ROBO2: variants seen among roughly 807,000 people sequenced by gnomAD.
ROBO2 encodes the protein roundabout guidance receptor 2.
In ROBO2, 53 loss-of-function variants were observed where a neutral mutation model predicts 160.8. That is an observed-to-expected ratio of 0.33 (90% confidence interval 0.26 to 0.41). The LOEUF is 0.41. ROBO2 is among the 10% of genes least tolerant of loss of function. The pLI is 1.00. For synonymous variants in ROBO2, 664 were observed against 611.7 expected, an observed-to-expected ratio of 1.09 and a Z score of -1.26; for missense variants, 1,577 against 1,722.4, an observed-to-expected ratio of 0.92 and a Z score of 1.49.
chr3:77,468,221 C>T (rs192807182), intron 2 of ROBO2, among the ~76,000 whole-genome samples: 4 of 152,294 alleles, frequency 2.6e-5, no homozygotes, highest in Admixed American at 2.0e-4. Flanking sequence ...TGTCAAATAT[C>T]ACATGCTAGG....
In ROBO2 at chr3:77,192,798, AC is replaced by A. The variant is rs532588157; in HGVS notation, c.388+94460del. ...GTAGCTGGGACTATGGGACTGTGCC[AC>A]CTCACCTGGCTTATTTTTGTATTTT... On this transcript the variant is annotated intron_variant, in intron 2 of 25. Coordinates refer to ENST00000461745, the Ensembl canonical transcript of ROBO2. Among the ~76,000 whole-genome samples, 88 of 151,432 alleles carry A rather than the reference AC, an allele frequency of 5.8e-4. No homozygotes were observed. In the Middle Eastern group the frequency reaches 0.01, roughly 18 times the overall value.
At chr3:77,330,475 A>G (rs938368718) in intron 2 of ROBO2, among the ~76,000 whole-genome samples, 2 of 152,198 alleles carry the variant, frequency 1.3e-5, no homozygotes, top group Admixed American at 6.5e-5. Flanking sequence ...CTAAGATCAC[A>G]CCACTGCACT....
chr3:77,149,091 G>A (rs1024186442), intron 2 of ROBO2, among the ~76,000 whole-genome samples: 21 of 149,110 alleles, frequency 1.4e-4, no homozygotes, highest in African/African-American at 4.7e-4. Context: ...GCTGGAGTGC[G>A]GTGGCATGAT....
At chr3:76,750,686 C>A (rs2108221567) in intron 2 of ROBO2, among the ~76,000 whole-genome samples, 1 of 152,132 alleles carries the variant, frequency 6.6e-6, no homozygotes, top group East Asian at 1.9e-4. Flanking sequence ...GAGTGAACTC[C>A]CATTCACAAT....
intron 2 of ROBO2, among the ~76,000 whole-genome samples, chr3:76,871,552 T>G (rs1229823180): frequency 2.9e-5 from 3 of 104,238 alleles, no homozygotes; most frequent in African/African-American, 7.2e-5. Context: ...AGACTCCGTC[T>G]CAAAAAAAGA....
At chr3:76,988,060 T>C (rs2060480087) in intron 2 of ROBO2, among the ~76,000 whole-genome samples, 1 of 152,174 alleles carries the variant, frequency 6.6e-6, no homozygotes, top group Non-Finnish European at 1.5e-5. Flanking sequence ...TAAAAGGTAA[T>C]TACGAGACAA....
chr3:77,339,167 TA>T (rs890742508), intron 2 of ROBO2, among the ~76,000 whole-genome samples: 1 of 152,050 alleles, frequency 6.6e-6, no homozygotes, highest in Non-Finnish European at 1.5e-5. Context: ...TGCCAAATGA[TA>T]AAAAAATTAA....
chr3:76,522,413 T>C (rs1025494442), intron 2 of ROBO2, among the ~76,000 whole-genome samples: 1 of 152,114 alleles, frequency 6.6e-6, no homozygotes, highest in Non-Finnish European at 1.5e-5. Flanking sequence ...ATCAATCCAA[T>C]AAAATACAGC....
At chr3:77,598,015 G>A (rs1347437636) in intron 19 of ROBO2, among the ~76,000 whole-genome samples, 1 of 152,084 alleles carries the variant, frequency 6.6e-6, no homozygotes, top group Non-Finnish European at 1.5e-5. Flanking sequence ...ATGAAGAATG[G>A]AGTAACGGTA....
At chr3:77,641,660 G>A (rs529167555) in intron 24 of ROBO2, among the ~76,000 whole-genome samples, 54 of 152,072 alleles carry the variant, frequency 3.6e-4, no homozygotes, top group African/African-American at 1.3e-3. Context: ...GATGAACAAA[G>A]AAGTTTACAA....
At chr3:76,432,770 C>A (rs2076493289) in intron 2 of ROBO2, among the ~76,000 whole-genome samples, 1 of 151,958 alleles carries the variant, frequency 6.6e-6, no homozygotes, top group Non-Finnish European at 1.5e-5. Context: ...TTGAGAGAAA[C>A]CTATACAAAC....
chr3:76,635,160 C>T (rs182073463), intron 2 of ROBO2, among the ~76,000 whole-genome samples: 69 of 152,236 alleles, frequency 4.5e-4, no homozygotes, highest in African/African-American at 1.4e-3. Flanking sequence ...GTTTTGCTGC[C>T]GTATGACTTA....
chr3:76,308,403 A>G (rs2071425105), intron 2 of ROBO2, among the ~76,000 whole-genome samples: 1 of 151,200 alleles, frequency 6.6e-6, no homozygotes, highest in South Asian at 2.1e-4. Flanking sequence ...AAAAAGAAAG[A>G]AAGAAAAGCA....
chr3:77,057,868 C>T (rs2065914059), intron 1 of ROBO2, among the ~76,000 whole-genome samples: 1 of 151,894 alleles, frequency 6.6e-6, no homozygotes, highest in Non-Finnish European at 1.5e-5. Flanking sequence ...CGCGTCCTGG[C>T]AATATATTTT....
At chr3:77,503,575 G>T (rs933041258) in intron 5 of ROBO2, among the ~76,000 whole-genome samples, 2 of 150,146 alleles carry the variant, frequency 1.3e-5, no homozygotes, top group Non-Finnish European at 3.0e-5. Flanking sequence ...TAATAATAAG[G>T]CTATTTGGAG....
intron 2 of ROBO2, among the ~76,000 whole-genome samples, chr3:76,393,460 A>G (rs560118187): frequency 1.3e-5 from 2 of 152,316 alleles, no homozygotes; most frequent in East Asian, 1.9e-4. Context: ...GTGGGGAATT[A>G]AATAGCATTG....
chr3:75,925,209 AT>A (rs1215744228), intron 1 of ROBO2, among the ~76,000 whole-genome samples: 1 of 151,936 alleles, frequency 6.6e-6, no homozygotes, highest in Non-Finnish European at 1.5e-5. Context: ...CCCGGGCAAC[AT>A]GGTGAAACCC....
At chr3:76,823,831 A>C (rs772567710) in intron 2 of ROBO2, among the ~76,000 whole-genome samples, 2 of 152,192 alleles carry the variant, frequency 1.3e-5, no homozygotes, top group Non-Finnish European at 1.5e-5. Context: ...GTGGATAATA[A>C]CATCTAAGTT....
intron 2 of ROBO2, among the ~76,000 whole-genome samples, chr3:77,298,962 G>A (rs1009572496): frequency 6.6e-6 from 1 of 152,114 alleles, no homozygotes; most frequent in Non-Finnish European, 1.5e-5. Flanking sequence ...AGAAGATAGA[G>A]GGGCTATTTT....
Sources: allele counts gnomAD v4.1 joint callset (sites outside exome capture counted in the v4.1 genomes callset), GRCh38; gene constraint gnomAD v4.1.1; transcripts MANE v1.5; gene names NCBI Gene and HGNC (gene_info 2026-07-23, HGNC 2026-07-21).